Variants in RTL4 observed in about 807,000 individuals in gnomAD.
The protein encoded by RTL4 is retrotransposon Gag like 4.
A neutral mutation model predicts 5.3 loss-of-function variants in RTL4; 4 were observed. The ratio of observed to expected loss-of-function variants is 0.75; its 90% CI spans 0.37 to 1.72. The LOEUF is 1.72. RTL4 is among the 40% of genes most tolerant of loss of function. The pLI, the probability that RTL4 is intolerant of heterozygous loss-of-function variation, is 0.04. For synonymous variants in RTL4, 98 were observed against 87.3 expected (o/e 1.12, Z -0.68); for missense variants, 260 against 227.1 (o/e 1.14, Z -0.93).
the RTL4 span, among the ~76,000 whole-genome samples, chrX:112,116,336 C>T: frequency 2.9e-4 from 32 of 111,128 alleles, no homozygotes; most frequent in African/African-American, 1.0e-3. Context: ...AAGCTGTGGA[C>T]CTTCGCAGTG....
chrX:112,318,007 GCAA>G, the RTL4 span, among the ~76,000 whole-genome samples: 1 of 112,229 alleles, frequency 8.9e-6, no homozygotes, highest in Non-Finnish European at 1.9e-5. Flanking sequence ...GATGCTCATT[GCAA>G]CAACACACAG....
At chrX:112,418,979 T>A in the RTL4 span, among the ~76,000 whole-genome samples, 422 of 104,987 alleles carry the variant, frequency 4.0e-3, 1 homozygote, top group African/African-American at 0.013. Flanking sequence ...ACAGACCAAG[T>A]AAGAAAGAAA....
chrX:112,102,049 C>T, the RTL4 span, among the ~76,000 whole-genome samples: 11 of 110,920 alleles, frequency 9.9e-5, no homozygotes, highest in Non-Finnish European at 5.7e-5. Context: ...TTGTTTTAAG[C>T]CCCTCAGGGT....
the RTL4 span, among the ~76,000 whole-genome samples, chrX:112,152,055 C>T: frequency 9.0e-6 from 1 of 111,590 alleles, no homozygotes; most frequent in Admixed American, 9.5e-5. Flanking sequence ...AACAGGATAA[C>T]GTTATGATAA....
chrX:112,400,782 G>T, the RTL4 span, among the ~76,000 whole-genome samples: 1 of 111,935 alleles, frequency 8.9e-6, no homozygotes, highest in African/African-American at 3.2e-5. Context: ...CATTACTAAG[G>T]TAAGTACTCA....
At chrX:112,244,425 A>T in the RTL4 span, among the ~76,000 whole-genome samples, 33 of 111,980 alleles carry the variant, frequency 2.9e-4, no homozygotes, top group Admixed American at 2.8e-3. Context: ...TTCTTGTTAA[A>T]TTGATACCTT....
the RTL4 span, among the ~76,000 whole-genome samples, chrX:112,224,960 C>A: frequency 8.9e-6 from 1 of 112,103 alleles, no homozygotes; most frequent in Non-Finnish European, 1.9e-5. Context: ...TTCCTATGTG[C>A]CAGGTACTGT....
the RTL4 span, among the ~76,000 whole-genome samples, chrX:112,278,535 C>T: frequency 9.0e-6 from 1 of 111,560 alleles, no homozygotes; most frequent in Non-Finnish European, 1.9e-5. Flanking sequence ...TAAAAGGAGG[C>T]TTTATTAGTT....
the RTL4 span, among the ~76,000 whole-genome samples, chrX:112,361,112 C>T: frequency 2.7e-5 from 3 of 111,359 alleles, no homozygotes; most frequent in East Asian, 5.7e-4. Context: ...CACAACCTTA[C>T]GCAAAAACTA....
the RTL4 span, among the ~76,000 whole-genome samples, chrX:112,369,890 G>A: frequency 6.2e-5 from 7 of 112,060 alleles, no homozygotes; most frequent in Non-Finnish European, 9.4e-5. Flanking sequence ...AGGATTTCCT[G>A]ATGGATTGAA....
the RTL4 span, among the ~76,000 whole-genome samples, chrX:112,295,399 T>G: frequency 8.9e-6 from 1 of 112,333 alleles, no homozygotes; most frequent in East Asian, 2.8e-4. Context: ...CACTCCCACT[T>G]GAAGTATAGA....
the RTL4 span, among the ~76,000 whole-genome samples, chrX:112,373,011 T>C: frequency 9.0e-6 from 1 of 111,376 alleles, no homozygotes; most frequent in Non-Finnish European, 1.9e-5. Flanking sequence ...AATTATTTTG[T>C]AGATTCCCCA....
chrX:112,402,004 A>G, the RTL4 span, among the ~76,000 whole-genome samples: 2 of 111,447 alleles, frequency 1.8e-5, no homozygotes, highest in Non-Finnish European at 3.8e-5. Flanking sequence ...TGTCCATCCT[A>G]CTATTTCTGC....
chrX:112,358,982 AATCAGTGC>A, the RTL4 span, among the ~76,000 whole-genome samples: 1 of 111,806 alleles, frequency 8.9e-6, no homozygotes, highest in Non-Finnish European at 1.9e-5. Context: ...TTCAAAGGGT[AATCAGTGC>A]ATCGTGGCTG....
upstream of RTL4, among the ~76,000 whole-genome samples, chrX:112,452,601 T>C (rs916624867): frequency 4.5e-5 from 5 of 111,321 alleles, no homozygotes; most frequent in Non-Finnish European, 7.5e-5. Flanking sequence ...TTTGACAATA[T>C]GTGATAAAGG....
the RTL4 span, among the ~76,000 whole-genome samples, chrX:112,385,634 G>C: frequency 9.0e-6 from 1 of 111,533 alleles, no homozygotes; most frequent in East Asian, 2.8e-4. Flanking sequence ...CTTCAAACTG[G>C]AGAGAATGAT....
At chrX:112,329,700 C>A in the RTL4 span, among the ~76,000 whole-genome samples, 1 of 110,656 alleles carries the variant, frequency 9.0e-6, no homozygotes, top group Non-Finnish European at 1.9e-5. Flanking sequence ...GGCAGAGACA[C>A]AACCAAAAAA....
the RTL4 span, among the ~76,000 whole-genome samples, chrX:112,329,768 C>T: frequency 9.0e-6 from 1 of 111,144 alleles, no homozygotes; most frequent in Non-Finnish European, 1.9e-5. Context: ...CAATAAAATA[C>T]TGGCAAACCG....
At chrX:112,218,030 C>T in the RTL4 span, among the ~76,000 whole-genome samples, 1 of 111,678 alleles carries the variant, frequency 9.0e-6, no homozygotes, top group Non-Finnish European at 1.9e-5. Context: ...TCTTTGGGAA[C>T]AAAGTCTAAG....
Sources: allele counts gnomAD v4.1 joint callset (sites outside exome capture counted in the v4.1 genomes callset), GRCh38; gene constraint gnomAD v4.1.1; transcripts MANE v1.5; gene names NCBI Gene and HGNC (gene_info 2026-07-23, HGNC 2026-07-21).